The following HRNR variants were observed in gnomAD, a reference collection of about 807,000 sequenced individuals.
HRNR encodes filaggrin family member 3.
HRNR carries 7 observed loss-of-function variants against 4.8 expected under a neutral mutation model. The observed-to-expected ratio is 1.47, with a 90% CI of 0.83 to 2.75. HRNR has a LOEUF of 2.75. Ranked by LOEUF, HRNR falls within the 30% of genes most tolerant of loss-of-function variation. HRNR has a pLI of 0.00. For missense variants in HRNR, 2,879 were observed against 3,010.4 expected, an observed-to-expected ratio of 0.96 and a Z score of 1.02; for synonymous variants, 1,023 against 1,242.7, an observed-to-expected ratio of 0.82 and a Z score of 3.72.
rs1648454816 is a variant in HRNR at position 152,213,190 on chromosome 1, G to T, written c.8439C>A (p.Cys2813Ter). The T allele has an allele frequency of 5.6e-6, 9 of 1,614,082 alleles. No individual in the cohort carries two copies. The highest frequency in any genetic ancestry group is 7.6e-6 in the Non-Finnish European group (9 of 1,180,042). The part of the protein sequence containing the change: ...SGSGQDGYSY[C>*]KGGSNHDGGS... ...CCCCATCATGGTTACTTCCTCCTTT[G>T]CAATAAGAATACCCATCTTGCCCTG... is the stretch of plus-strand genomic sequence containing the variant. Residue 2813 changes from cysteine (C) to a stop codon, truncating the protein, a stop_gained, in exon 3 of 3, where the codon TGC (cysteine) becomes TGA (stop). Transcript: ENST00000368801. LOFTEE classifies it low-confidence loss of function (END_TRUNC).
In HRNR at chr1:152,220,845, A is replaced by G; in HGVS notation, c.784T>C (p.Ser262Pro). ...GHSSGYGQHG[S>P]RSGQSSRGER... The stretch of plus-strand genomic sequence containing the variant: ...CCCCTAGATGACTGTCCTGACCTAG[A>G]GCCGTGTTGTCCGTAGCCAGAGGAG... Residue 262 changes from serine to proline, a missense_variant, in exon 3 of 3, where the codon TCT becomes CCT. Physicochemically the swap from Ser to Pro is moderately conservative, Grantham distance 74 (BLOSUM62 -1). Around this residue, in one of 8 missense-constraint regions of HRNR, gnomAD observed 2,646 missense variants for 1,377.7 expected, o/e 1.92. Coordinates refer to ENST00000368801, the MANE Select transcript of HRNR (RefSeq NM_001009931.3). 4 of 1,613,810 alleles carry G rather than the reference A, an allele frequency of 2.5e-6. No homozygotes were observed. The highest frequency in any genetic ancestry group is 3.4e-6 in the Non-Finnish European group (4 of 1,179,944).
At position 152,212,889 on chromosome 1, in the gene HRNR, T is replaced by A; in HGVS notation, c.*187A>T. ...ACAAAGTAGCACAAATGCCTAACAG[T>A]CTTTGGAAGGAACCCCATAACAAGA... On this transcript the variant is annotated 3_prime_UTR_variant, in exon 3 of 3. Transcript: ENST00000368801. The A allele has an allele frequency of 1.3e-6, 1 of 756,190 alleles. No individual in the cohort carries two copies. Among genetic ancestry groups the A allele is most frequent in the South Asian group, 2.0e-5 (1 of 51,096 alleles). 46.8% of individuals were successfully genotyped at this position (756,190 alleles called of 1,614,324 possible).
rs761444599 is a variant in HRNR, at chr1:152,218,843, G to C, written c.2786C>G (p.Ser929Cys). ...SGRHGSGSGQ[S>C]SGFGHKSSSG... ...GCTAGACTTGTGACCAAAGCCAGAA[G>C]ACTGGCCTGAGCCAGACCCATGTCG... Residue 929 changes from serine (S) to cysteine (C), a missense_variant, in exon 3 of 3, where the codon TCT becomes TGT. This residue lies in a region of HRNR where 2,646 missense variants were observed against 1,377.7 expected (regional missense o/e 1.92). Coordinates refer to ENST00000368801, the MANE Select transcript of HRNR (RefSeq NM_001009931.3). The C allele has an allele frequency of 1.9e-6, 3 of 1,613,974 alleles. No homozygotes were observed. Among genetic ancestry groups the C allele is most frequent in the South Asian group, 1.1e-5 (1 of 91,048 alleles).
chr1:152,219,009 A>T lies in HRNR; in HGVS notation c.2620T>A (p.Ser874Thr), dbSNP rs1258029209. Reference sequence around the variant, plus strand: ...CGGCCGCGGCCCGAAGCGTGATGGGAGGCAGACTCATGCTGACCATAGCTG... The same window carrying T: ...CGGCCGCGGCCCGAAGCGTGATGGGTGGCAGACTCATGCTGACCATAGCTG... ...SSSYGQHESA[S>T]HHASGRGRHG... The change falls in exon 3 of 3, where the codon TCC becomes ACC. Residue 874 changes from serine (S) to threonine (T), a missense_variant. This residue lies in a region of HRNR where 2,646 missense variants were observed against 1,377.7 expected (regional missense o/e 1.92). Coordinates refer to ENST00000368801, the MANE Select transcript of HRNR (RefSeq NM_001009931.3). The T allele has an allele frequency of 3.7e-6, 6 of 1,613,932 alleles. No individual in the cohort carries two copies. The highest frequency in any genetic ancestry group is 5.1e-6 in the Non-Finnish European group (6 of 1,179,976).
chr1:152,220,652 C>A lies in HRNR; in HGVS notation c.977G>T (p.Gly326Val), dbSNP rs200131117. ...SGHSSSHGQH[G>V]SGSSYSYSRG... ...GCTGTAAGAGTAACTTGAGCCAGACCCGTGTTGGCCGTGGCTGGAGGAGTG... is the reference window on the plus strand; with the variant it reads ...GCTGTAAGAGTAACTTGAGCCAGACACGTGTTGGCCGTGGCTGGAGGAGTG... Residue 326 changes from glycine (G) to valine (V), a missense_variant, in exon 3 of 3, where the codon GGG becomes GTG. Around this residue, in one of 8 missense-constraint regions of HRNR, gnomAD observed 2,646 missense variants for 1,377.7 expected, o/e 1.92. Transcript: ENST00000368801. 2 of 1,612,092 alleles carry A rather than the reference C, an allele frequency of 1.2e-6. No individual in the cohort carries two copies. Among genetic ancestry groups the A allele is most frequent in the African/African-American group, 1.3e-5 (1 of 74,950 alleles).
rs1434886083 is a variant in HRNR, at chr1:152,221,137, G to T, written c.492C>A (p.Asp164Glu). 2 of 1,614,130 alleles carry T rather than the reference G, an allele frequency of 1.2e-6. No individual in the cohort carries two copies. The highest frequency in any genetic ancestry group is 2.2e-5 in the East Asian group (1 of 44,900). ...SISRRLSFQR[D>E]FSGQHNSYSG... ...AGTAGGAGTTATGTTGGCCAGAAAAGTCTCTTTGAAAACTCAGTCTTCTGG... is the reference window on the plus strand; with the variant it reads ...AGTAGGAGTTATGTTGGCCAGAAAATTCTCTTTGAAAACTCAGTCTTCTGG... Residue 164 changes from aspartate to glutamate, a missense_variant, in exon 3 of 3, where the codon GAC (aspartate) becomes GAA (glutamate). Coordinates refer to ENST00000368801, the MANE Select transcript of HRNR (RefSeq NM_001009931.3).
chr1:152,220,849 G>T lies in HRNR; in HGVS notation c.780C>A (p.His260Gln). The T allele has an allele frequency of 6.2e-7, 1 of 1,613,096 alleles. No homozygotes were observed. Among genetic ancestry groups the T allele is most frequent in the Non-Finnish European group, 8.5e-7 (1 of 1,179,722 alleles). ...TAGATGACTGTCCTGACCTAGAGCC[G>T]TGTTGTCCGTAGCCAGAGGAGTGAC... ...GSGHSSGYGQ[H>Q]GSRSGQSSRG... is the part of the protein sequence containing the mutation. Residue 260 changes from histidine (H) to glutamine (Q), a missense_variant, in exon 3 of 3, where the codon CAC (histidine) becomes CAA (glutamine). His to Gln is a conservative substitution (Grantham distance 24). Coordinates refer to ENST00000368801, the MANE Select transcript of HRNR (RefSeq NM_001009931.3).
chr1:152,212,964 T>A lies in HRNR; in HGVS notation c.*112A>T, dbSNP rs943152140. On this transcript the variant is annotated 3_prime_UTR_variant, in exon 3 of 3. Transcript: ENST00000368801. ...AAGAAAGAGACAGAAATGCATTGAT[T>A]CACTTTTAGAACGAATTTCATGATG... 3.0e-5 allele frequency: 43 copies of A among 1,410,146 alleles called. No individual in the cohort carries two copies. In the South Asian group the frequency reaches 5.4e-4, roughly 18 times the overall value. 87.4% of individuals were successfully genotyped at this position (1,410,146 alleles called of 1,614,324 possible). A position where few individuals can be genotyped will look rare whatever the true frequency, so the allele number is the denominator to read the frequency against.
chr1:152,219,057 C>T lies in HRNR; in HGVS notation c.2572G>A (p.Asp858Asn), dbSNP rs770023494. 44 of 1,613,448 alleles carry T rather than the reference C, an allele frequency of 2.7e-5. No individual in the cohort carries two copies. The highest frequency in any genetic ancestry group is 1.6e-4 in the Middle Eastern group (1 of 6,082). The change falls in exon 3 of 3, where the codon GAC (aspartate) becomes AAC (asparagine). Residue 858 changes from aspartate to asparagine, a missense_variant. Physicochemically the swap from Asp to Asn is conservative, Grantham distance 23. This residue lies in a region of HRNR where 2,646 missense variants were observed against 1,377.7 expected (regional missense o/e 1.92). Coordinates refer to ENST00000368801, the MANE Select transcript of HRNR (RefSeq NM_001009931.3). The stretch of plus-strand genomic sequence containing the variant: ...CTGGAAGATTGACCTGAGCTAGAGT[C>T]ATGTTGGCCGGAGCTTGATGACTGC... ...SGQSSSSGQH[D>N]SSSGQSSSYG... is the part of the protein sequence containing the mutation.
In HRNR at chr1:152,219,868, T is replaced by C. The variant is rs1414666705; in HGVS notation, c.1761A>G (p.Gln587=). The part of the protein sequence containing the change: ...GSGHSSGLGH[Q]ESRSGQSSGY... ...CAGAGGACTGTCCTGAGCGAGACTCTTGGTGACCTAAGCCAGAAGAGTGAC... is the reference window on the plus strand; with the variant it reads ...CAGAGGACTGTCCTGAGCGAGACTCCTGGTGACCTAAGCCAGAAGAGTGAC... The change falls in exon 3 of 3, where the codon CAA becomes CAG. Residue 587 remains glutamine (Q), a synonymous_variant. Coordinates refer to ENST00000368801, the MANE Select transcript of HRNR (RefSeq NM_001009931.3). The C allele has an allele frequency of 3.7e-6, 6 of 1,613,390 alleles. 1 individual carries two copies. Among genetic ancestry groups the C allele is most frequent in the South Asian group, 3.3e-5 (3 of 91,038 alleles).
rs150031350 is a variant in HRNR, at chr1:152,219,204, A to G, written c.2425T>C (p.Ser809Pro). 1.9e-6 allele frequency: 3 copies of G among 1,613,652 alleles called. No homozygotes were observed. The highest frequency in any genetic ancestry group is 1.1e-5 in the South Asian group (1 of 91,062). Residue 809 changes from serine (S) to proline (P), a missense_variant, in exon 3 of 3, where the codon TCT becomes CCT. This residue lies in a region of HRNR where 2,646 missense variants were observed against 1,377.7 expected (regional missense o/e 1.92). Transcript: ENST00000368801. ...SCSSSCGHYE[S>P]GSGQASGFGQ... ...AAACCAGAAGCCTGGCCTGAGCCAG[A>G]CTCATAATGGCCACAGCTGGAAGAA...
At position 152,220,030 on chromosome 1, in the gene HRNR, A is replaced by T. The variant is rs771148375; in HGVS notation, c.1599T>A (p.His533Gln). The change falls in exon 3 of 3, where the codon CAT becomes CAA. Residue 533 changes from histidine to glutamine, a missense_variant. By Grantham distance (24) the His-to-Gln change is conservative. This residue lies in a region of HRNR where 2,646 missense variants were observed against 1,377.7 expected (regional missense o/e 1.92). Coordinates refer to ENST00000368801, the MANE Select transcript of HRNR (RefSeq NM_001009931.3). ...TAGGAGACTGGCCAGATCCAGACCCATGTCGGCTGTGTCCCAAAGATTGAC... is the reference window on the plus strand; with the variant it reads ...TAGGAGACTGGCCAGATCCAGACCCTTGTCGGCTGTGTCCCAAAGATTGAC... Reference protein sequence around the residue: ...GSRQSLGHSRHGSGSGQSPSP... With the variant: ...GSRQSLGHSRQGSGSGQSPSP... 8 of 1,612,862 alleles carry T rather than the reference A, an allele frequency of 5.0e-6. No homozygotes were observed. In the Admixed American group the frequency reaches 5.0e-5, roughly 10 times the overall value.
Position 152,212,468 on chromosome 1 carries a change from T to A in HRNR, c.*608A>T, listed in dbSNP as rs1648417590. The stretch of plus-strand genomic sequence containing the variant: ...CTTGGGAAAAGACCCTGATGCTACT[T>A]TTTTATGCCACTAATTAACTTACTG... On this transcript the variant is annotated 3_prime_UTR_variant, in exon 3 of 3. Transcript: ENST00000368801. 6.5e-6 allele frequency: 1 copy of A among 152,950 alleles called. No homozygotes were observed. The highest frequency in any genetic ancestry group is 2.4e-5 in the African/African-American group (1 of 41,434). 9.5% of individuals were successfully genotyped at this position (152,950 alleles called of 1,614,324 possible).
At position 152,221,363 on chromosome 1, in the gene HRNR, A is replaced by G. The variant is rs1252783881; in HGVS notation, c.266T>C (p.Ile89Thr). 11 of 1,613,902 alleles carry G rather than the reference A, an allele frequency of 6.8e-6. No individual in the cohort carries two copies. The highest frequency in any genetic ancestry group is 1.3e-5 in the African/African-American group (1 of 74,928). ...TGAAACTTGGCAGTAATCTTTGCCA[A>G]TGATTTTATTACGAGCCTGAACCAG... ...FKLVQARNKIIGKDYCQVSGS... is the reference protein window; with the variant it reads ...FKLVQARNKITGKDYCQVSGS... The change falls in exon 3 of 3, where the codon ATT becomes ACT. Residue 89 changes from isoleucine (I) to threonine (T), a missense_variant. Coordinates refer to ENST00000368801, the MANE Select transcript of HRNR (RefSeq NM_001009931.3).
At position 152,218,841 on chromosome 1, in the gene HRNR, A is replaced by T. The variant is rs753764793; in HGVS notation, c.2788T>A (p.Ser930Thr). Residue 930 changes from serine (S) to threonine (T), a missense_variant, in exon 3 of 3, where the codon TCT (serine) becomes ACT (threonine). Transcript: ENST00000368801. ...GAGCTAGACTTGTGACCAAAGCCAGAAGACTGGCCTGAGCCAGACCCATGT... is the reference window on the plus strand; with the variant it reads ...GAGCTAGACTTGTGACCAAAGCCAGTAGACTGGCCTGAGCCAGACCCATGT... ...GRHGSGSGQS[S>T]GFGHKSSSGQ... The T allele has an allele frequency of 7.4e-6, 12 of 1,613,512 alleles. No individual in the cohort carries two copies. Among genetic ancestry groups the T allele is most frequent in the Non-Finnish European group, 1.0e-5 (12 of 1,179,974 alleles).
Position 152,212,737 on chromosome 1 carries a change from A to G in HRNR, c.*339T>C. ...GAAATGTAAGGTTAGCTTTGGCACC[A>G]TCTATAAATGAATGATGAGCTCTCA... On this transcript the variant is annotated 3_prime_UTR_variant, in exon 3 of 3. Coordinates refer to ENST00000368801, the MANE Select transcript of HRNR (RefSeq NM_001009931.3). 4 of 338,566 alleles carry G rather than the reference A, an allele frequency of 1.2e-5. No individual in the cohort carries two copies. Among genetic ancestry groups the G allele is most frequent in the Non-Finnish European group, 2.1e-5 (4 of 187,228 alleles). The allele number at this position is 338,566 out of a possible 1,614,324, so 21.0% of individuals were successfully genotyped here.
In HRNR at chr1:152,219,831, G is replaced by T. The variant is rs200860192; in HGVS notation, c.1798C>A (p.His600Asn). Residue 600 changes from histidine (H) to asparagine (N), a missense_variant, in exon 3 of 3, where the codon CAC becomes AAC. His to Asn is a moderately conservative substitution (Grantham distance 68, BLOSUM62 1). Coordinates refer to ENST00000368801, the MANE Select transcript of HRNR (RefSeq NM_001009931.3). ...GAGGAATGACCCGAGCTAGATCCGTGTTGACCGTAGCCAGAGGACTGTCCT... is the reference window on the plus strand; with the variant it reads ...GAGGAATGACCCGAGCTAGATCCGTTTTGACCGTAGCCAGAGGACTGTCCT... ...RSGQSSGYGQ[H>N]GSSSGHSSTH... 54 of 1,612,170 alleles carry T rather than the reference G, an allele frequency of 3.3e-5. No homozygotes were observed. Among genetic ancestry groups the T allele is most frequent in the Non-Finnish European group, 4.2e-5 (49 of 1,178,708 alleles).
rs374297870 is a variant in HRNR, at chr1:152,219,255, C to T, written c.2374G>A (p.Gly792Ser). ...CAACTTGTGCCAGACCCGTGTTGGCCGTGGCTGGAGGAGTGCCCTGAACTG... is the reference window on the plus strand; with the variant it reads ...CAACTTGTGCCAGACCCGTGTTGGCTGTGGCTGGAGGAGTGCCCTGAACTG... ...GSSSGHSSSH[G>S]QHGSGTSCSS... Residue 792 changes from glycine to serine, a missense_variant, in exon 3 of 3, where the codon GGC becomes AGC. Physicochemically the swap from Gly to Ser is moderately conservative, Grantham distance 56. Around this residue, in one of 8 missense-constraint regions of HRNR, gnomAD observed 2,646 missense variants for 1,377.7 expected, o/e 1.92. Coordinates refer to ENST00000368801, the MANE Select transcript of HRNR (RefSeq NM_001009931.3). 2.9e-5 allele frequency: 46 copies of T among 1,613,050 alleles called. No homozygotes were observed. Among genetic ancestry groups the T allele is most frequent in the South Asian group, 5.5e-5 (5 of 91,056 alleles).
Position 152,219,817 on chromosome 1 carries a change from C to T in HRNR, c.1812G>A (p.Ser604=), listed in dbSNP as rs7520375. The change falls in exon 3 of 3, where the codon TCG becomes TCA. Residue 604 remains serine (S), a synonymous_variant. Transcript: ENST00000368801. The part of the protein sequence containing the change: ...SSGYGQHGSS[S]GHSSTHGQHG... ...GTTGCCCATGGGTAGAGGAATGACC[C>T]GAGCTAGATCCGTGTTGACCGTAGC... 1,266,454 of 1,613,638 alleles carry T rather than the reference C, an allele frequency of 0.78. 508,769 individuals are homozygous for T. Among genetic ancestry groups the T allele is most frequent in the Non-Finnish European group, 0.84 (992,993 of 1,179,940 alleles).
Sources: gnomAD v4.1 joint callset for allele counts on GRCh38, gnomAD v4.1.1 for gene constraint, gnomAD v4.1.1 regional missense constraint, MANE v1.5 for transcripts, NCBI Gene and HGNC (gene_info 2026-07-23, HGNC 2026-07-21) for gene names.